Variants in CA3 observed in about 807,000 individuals in gnomAD.
CA3 encodes CA-III.
A neutral mutation model predicts 35.7 loss-of-function variants in CA3; 30 were observed. That is an observed-to-expected ratio of 0.84 (90% CI 0.63 to 1.14). The LOEUF (loss-of-function observed/expected upper bound fraction) is 1.14, where lower values mean the gene tolerates loss of function less well. Ranked by LOEUF, CA3 falls within the 50% of genes most tolerant of loss-of-function variation. The pLI is 0.00. For missense variants in CA3, 295 were observed against 328.5 expected (o/e 0.90, Z 0.79); for synonymous variants, 131 against 130.8 (o/e 1.00, Z -0.01).
chr8:85,442,213 C>T (rs571578556), intron 3 of CA3, 22 bp downstream of exon 3: 1 of 1,216,990 alleles, frequency 8.2e-7, no homozygotes, highest in African/African-American at 1.5e-5. Flanking sequence ...TGCCATAATC[C>T]ATTCTCGGTC....
intron 2 of CA3, among the ~76,000 whole-genome samples, chr8:85,440,989 A>G (rs1172679694): frequency 2.0e-5 from 3 of 152,208 alleles, no homozygotes; most frequent in Admixed American, 1.3e-4. Context: ...TGTCAATTTC[A>G]TATAGTTTCT....
intron 6 of CA3, 122 bp from the exon 7 acceptor site, chr8:85,447,900 AAAACAAACAAAC>A (rs113988139): frequency 5.9e-6 from 5 of 849,730 alleles, no homozygotes; most frequent in African/African-American, 5.2e-5. Flanking sequence ...CTCTGTCTCA[AAAACAAACAAAC>A]AAACAAACAA....
intron 3 of CA3, among the ~76,000 whole-genome samples, chr8:85,443,590 G>C (rs1262009171): frequency 6.6e-6 from 1 of 152,136 alleles, no homozygotes; most frequent in East Asian, 1.9e-4. Context: ...CAACCAAATG[G>C]GGAAAGTTGA....
intron 3 of CA3, among the ~76,000 whole-genome samples, chr8:85,443,086 A>G (rs1422402858): frequency 1.3e-5 from 2 of 152,196 alleles, no homozygotes; most frequent in African/African-American, 2.4e-5. Flanking sequence ...GTGCATATAT[A>G]TGTGTGTGTG....
chr8:85,448,034 A>C lies in CA3; in HGVS notation c.664A>C (p.Met222Leu). 1 of 1,610,622 alleles carries C rather than the reference A, an allele frequency of 6.2e-7. No homozygotes were observed. Among genetic ancestry groups the C allele is most frequent in the Non-Finnish European group, 8.5e-7 (1 of 1,178,508 alleles). Residue 222 changes from methionine (M) to leucine (L), a missense_variant and splice_region_variant, in exon 7 of 7, where the codon ATG (methionine) becomes CTG (leucine). Met to Leu is a conservative substitution (Grantham distance 15). Transcript: ENST00000285381. ...AACAGTCTGCCCCTGCCCTTTGCAG[A>C]TGGCCAAGCTGCGGAGCCTCCTCTC... Reference protein sequence around the residue: ...KEPMTVSSDQMAKLRSLLSSA... With the variant: ...KEPMTVSSDQLAKLRSLLSSA...
At chr8:85,439,044 T>C in intron 1 of CA3, 101 bp downstream of exon 1, 1 of 1,173,080 alleles carries the variant, frequency 8.5e-7, no homozygotes, top group South Asian at 1.3e-5. Context: ...CAGTGGAAAA[T>C]GTAGGAGTAG....
intron 3 of CA3, 100 bp from the exon 4 acceptor site, chr8:85,443,934 C>A: frequency 1.2e-6 from 1 of 834,654 alleles, no homozygotes; most frequent in Non-Finnish European, 2.0e-6. Flanking sequence ...GAGTGCTCAG[C>A]AACCTTAGCC....
chr8:85,446,036 C>A, intron 5 of CA3, 106 bp from the exon 6 acceptor site: 1 of 1,049,954 alleles, frequency 9.5e-7, no homozygotes, highest in Non-Finnish European at 1.4e-6. Flanking sequence ...TCTATTTTCT[C>A]TATTGCATTT....
At chr8:85,441,728 T>A (rs1384439700) in intron 2 of CA3, 1 of 226,854 alleles carries the variant, frequency 4.4e-6, no homozygotes, top group African/African-American at 2.3e-5. Context: ...TTCTCAACTG[T>A]CCAGTTCTTC....
intron 3 of CA3, 62 bp from the exon 4 acceptor site, chr8:85,443,972 A>C: frequency 9.0e-7 from 1 of 1,108,912 alleles, no homozygotes; most frequent in Non-Finnish European, 1.4e-6. Context: ...TATTGTGGAT[A>C]ATGTTGTACT....
rs771055818 is a variant in CA3, at chr8:85,439,747, A to G, written c.70A>G (p.Lys24Glu). The change falls in exon 2 of 7, where the codon AAG (lysine) becomes GAG (glutamate). Residue 24 changes from lysine to glutamate, a missense_variant. Lys to Glu is a moderately conservative substitution (Grantham distance 56). Transcript: ENST00000285381. The stretch of plus-strand genomic sequence containing the variant: ...CTGGCATGAACTTTTCCCAAATGCC[A>G]AGGGGGAAAACCAGTCGCCCGTTGA... ...DHWHELFPNA[K>E]GENQSPVELH... 4.3e-6 allele frequency: 7 copies of G among 1,613,840 alleles called. No homozygotes were observed. Among genetic ancestry groups the G allele is most frequent in the Admixed American group, 1.7e-5 (1 of 60,012 alleles).
In CA3 at chr8:85,446,250, A is replaced by G. The variant is rs1811289657; in HGVS notation, c.616A>G (p.Ile206Val). The G allele has an allele frequency of 1.9e-6, 3 of 1,614,168 alleles. No homozygotes were observed. The highest frequency in any genetic ancestry group is 4.5e-5 in the East Asian group (2 of 44,878). The change falls in exon 6 of 7, where the codon ATT becomes GTT. Residue 206 changes from isoleucine (I) to valine (V), a missense_variant. Physicochemically the swap from Ile to Val is conservative, Grantham distance 29. Transcript: ENST00000285381. The stretch of plus-strand genomic sequence containing the variant: ...CACCACGCCGCCCTGCGAGGAATGC[A>G]TTGTGTGGCTGCTGCTGAAGGAGCC... Reference protein sequence around the residue: ...SFTTPPCEECIVWLLLKEPMT... With the variant: ...SFTTPPCEECVVWLLLKEPMT...
rs1298136250 is a variant in CA3, at chr8:85,438,926, GCTACGC to G, written c.19_24del (p.Tyr7_Ala8del). Reference sequence around the variant, plus strand: ...AAGGCGACCATGGCCAAGGAGTGGGGCTACGCCAGTCACAACGGTGAGTGCAGGCAG... The same window carrying G: ...AAGGCGACCATGGCCAAGGAGTGGGGCAGTCACAACGGTGAGTGCAGGCAG... On this transcript the variant is annotated inframe_deletion, in exon 1 of 7. Transcript: ENST00000285381. 6.4e-7 allele frequency: 1 copy of G among 1,551,048 alleles called. No homozygotes were observed. The highest frequency in any genetic ancestry group is 8.7e-7 in the Non-Finnish European group (1 of 1,147,000).
chr8:85,440,319 T>C (rs1391872452), intron 2 of CA3, among the ~76,000 whole-genome samples: 1 of 152,172 alleles, frequency 6.6e-6, no homozygotes, highest in East Asian at 1.9e-4. Flanking sequence ...AAGCCAGATA[T>C]ACAATAGAAA....
Position 85,445,210 on chromosome 8 carries a change from A to C in CA3, c.499A>C (p.Lys167Gln). The C allele has an allele frequency of 6.3e-7, 1 of 1,596,132 alleles. No homozygotes were observed. The highest frequency in any genetic ancestry group is 8.6e-7 in the Non-Finnish European group (1 of 1,166,744). Residue 167 changes from lysine (K) to glutamine (Q), a missense_variant, in exon 5 of 7, where the codon AAG (lysine) becomes CAG (glutamine). Physicochemically the swap from Lys to Gln is moderately conservative, Grantham distance 53. Transcript: ENST00000285381. ...QIFLDALDKI[K>Q]TKGKEAPFTK... The stretch of plus-strand genomic sequence containing the variant: ...TTTCCTTGATGCATTGGACAAGATT[A>C]AGACAAAGGTAAACAAAAATCATTT...
At position 85,448,368 on chromosome 8, in the gene CA3, T is replaced by C. The variant is rs1811322791; in HGVS notation, c.*215T>C. On this transcript the variant is annotated 3_prime_UTR_variant, in exon 7 of 7. Transcript: ENST00000285381. ...GAAAGCATAGATTTCACATTTGATC[T>C]CTGTAATAATCATCTTTCCTATAAA... 2.8e-6 allele frequency: 1 copy of C among 357,340 alleles called. No individual in the cohort carries two copies. The highest frequency in any genetic ancestry group is 4.9e-6 in the Non-Finnish European group (1 of 203,322). 22.1% of individuals were successfully genotyped at this position (357,340 alleles called of 1,614,324 possible).
At chr8:85,446,076 G>C in intron 5 of CA3, 66 bp from the exon 6 acceptor site, 1 of 1,369,532 alleles carries the variant, frequency 7.3e-7, no homozygotes, top group Non-Finnish European at 9.9e-7. Flanking sequence ...AAAGTGGTGA[G>C]GGCATTGGGG....
rs749030661 is a variant in CA3 at position 85,446,253 on chromosome 8, G to C, written c.619G>C (p.Val207Leu). The change falls in exon 6 of 7, where the codon GTG (valine) becomes CTG (leucine). Residue 207 changes from valine (V) to leucine (L), a missense_variant. Physicochemically the swap from Val to Leu is conservative, Grantham distance 32. Transcript: ENST00000285381. Reference protein sequence around the residue: ...FTTPPCEECIVWLLLKEPMTV... With the variant: ...FTTPPCEECILWLLLKEPMTV... ...CACGCCGCCCTGCGAGGAATGCATT[G>C]TGTGGCTGCTGCTGAAGGAGCCCAT... 20 of 1,614,052 alleles carry C rather than the reference G, an allele frequency of 1.2e-5. No homozygotes were observed. The highest frequency in any genetic ancestry group is 1.6e-5 in the Non-Finnish European group (19 of 1,180,004).
chr8:85,443,991 T>C, intron 3 of CA3, 43 bp from the exon 4 acceptor site: 1 of 1,287,566 alleles, frequency 7.8e-7, no homozygotes. Flanking sequence ...CTTATTTCCA[T>C]ATTCCAGGAA....
Sources: allele counts gnomAD v4.1 joint callset (sites outside exome capture counted in the v4.1 genomes callset), GRCh38; gene constraint gnomAD v4.1.1; transcripts MANE v1.5; gene names NCBI Gene and HGNC (gene_info 2026-07-23, HGNC 2026-07-21).